Variants in FSIP1 observed in about 807,000 individuals in gnomAD.
FSIP1 encodes fibrous sheath-interacting protein 1.
A neutral mutation model predicts 60.9 loss-of-function variants in FSIP1; 65 were observed. The observed-to-expected ratio is 1.07, with a 90% CI of 0.87 to 1.31. The LOEUF is 1.31. Ranked by LOEUF, FSIP1 falls within the 40% of genes most tolerant of loss-of-function variation. The probability of loss-of-function intolerance (pLI) is 0.00; values close to 1 mark genes in which losing one functional copy is unlikely to be tolerated. For missense variants in FSIP1, 675 were observed against 665.5 expected, an observed-to-expected ratio of 1.01 and a Z score of -0.16; for synonymous variants, 209 against 221.2, an observed-to-expected ratio of 0.94 and a Z score of 0.49.
chr15:39,652,666 C>A (rs1208427208), intron 10 of FSIP1, among the ~76,000 whole-genome samples: 4 of 152,146 alleles, frequency 2.6e-5, no homozygotes, highest in Non-Finnish European at 5.9e-5. Context: ...TGACATTTCT[C>A]AAACACTTTT....
chr15:39,779,529 T>A (rs4924391), intron 1 of FSIP1, among the ~76,000 whole-genome samples: 89,003 of 152,080 alleles, frequency 0.59, 26,558 homozygotes, highest in African/African-American at 0.69. Context: ...CCCTGAGCTA[T>A]ACGCTATTGG....
At chr15:39,774,702 A>C (rs1286794460) in intron 2 of FSIP1, among the ~76,000 whole-genome samples, 1 of 152,232 alleles carries the variant, frequency 6.6e-6, no homozygotes, top group African/African-American at 2.4e-5. Context: ...TAATCCAATT[A>C]GATGAACCTG....
chr15:39,772,264 C>T (rs1443921669), intron 2 of FSIP1, among the ~76,000 whole-genome samples: 1 of 152,174 alleles, frequency 6.6e-6, no homozygotes. Context: ...CTCTCTTCCT[C>T]ATTCTTAACA....
intron 10 of FSIP1, among the ~76,000 whole-genome samples, chr15:39,619,245 A>G (rs1891354726): frequency 6.6e-6 from 1 of 152,202 alleles, no homozygotes; most frequent in Admixed American, 6.5e-5. Flanking sequence ...TATTAGGTAA[A>G]GCTTCTAATG....
intron 5 of FSIP1, among the ~76,000 whole-genome samples, chr15:39,754,161 G>A (rs903048055): frequency 2.0e-5 from 3 of 151,998 alleles, no homozygotes; most frequent in Admixed American, 6.6e-5. Context: ...AGGGGTTTGC[G>A]TAGTAAGAAA....
chr15:39,647,996 T>C (rs551980096), intron 10 of FSIP1, among the ~76,000 whole-genome samples: 17 of 148,302 alleles, frequency 1.1e-4, no homozygotes, highest in Non-Finnish European at 1.9e-4. Flanking sequence ...TGAAGGGGAA[T>C]ATCACACTCT....
At chr15:39,756,285 A>T (rs1477167830) in intron 5 of FSIP1, among the ~76,000 whole-genome samples, 1 of 152,152 alleles carries the variant, frequency 6.6e-6, no homozygotes, top group Non-Finnish European at 1.5e-5. Context: ...TTATAAGCCA[A>T]CTGGGATGGG....
chr15:39,653,567 C>T (rs1474535074), intron 10 of FSIP1, among the ~76,000 whole-genome samples: 1 of 152,166 alleles, frequency 6.6e-6, no homozygotes, highest in African/African-American at 2.4e-5. Context: ...CTCTATGTTC[C>T]TGCCCAAATT....
intron 10 of FSIP1, among the ~76,000 whole-genome samples, chr15:39,645,185 G>A (rs965685068): frequency 6.6e-6 from 1 of 152,224 alleles, no homozygotes; most frequent in Admixed American, 6.5e-5. Context: ...CATTCTTAGT[G>A]GAAATGTAGA....
At chr15:39,621,496 C>G (rs1466465916) in intron 10 of FSIP1, among the ~76,000 whole-genome samples, 1 of 152,228 alleles carries the variant, frequency 6.6e-6, no homozygotes, top group Non-Finnish European at 1.5e-5. Context: ...AGCATGTCAC[C>G]TGAGTTCTCA....
intron 10 of FSIP1, among the ~76,000 whole-genome samples, chr15:39,643,691 TA>T (rs910905907): frequency 6.6e-6 from 1 of 152,180 alleles, no homozygotes; most frequent in African/African-American, 2.4e-5. Context: ...TTTCTTTTTG[TA>T]AAAAAACAGT....
At chr15:39,615,479 A>G (rs1418894084) in intron 11 of FSIP1, among the ~76,000 whole-genome samples, 1 of 152,052 alleles carries the variant, frequency 6.6e-6, no homozygotes, top group Admixed American at 6.5e-5. Context: ...AAAAGAAGAC[A>G]TAAAAATGGC....
At chr15:39,622,824 C>T (rs1891491198) in intron 10 of FSIP1, among the ~76,000 whole-genome samples, 1 of 152,166 alleles carries the variant, frequency 6.6e-6, no homozygotes, top group South Asian at 2.1e-4. Flanking sequence ...CCTCTACCAC[C>T]CTCCAAGTGT....
intron 5 of FSIP1, among the ~76,000 whole-genome samples, chr15:39,744,930 T>C (rs1896944051): frequency 6.6e-6 from 1 of 151,988 alleles, no homozygotes. Flanking sequence ...AGAGAGGATG[T>C]GGCAGGGACC....
chr15:39,631,165 G>A (rs1891868300), intron 10 of FSIP1, among the ~76,000 whole-genome samples: 1 of 152,106 alleles, frequency 6.6e-6, no homozygotes, highest in Admixed American at 6.5e-5. Context: ...CTTTCTTTGG[G>A]TGCTCCTCCA....
At chr15:39,649,486 T>C (rs1355248266) in intron 10 of FSIP1, among the ~76,000 whole-genome samples, 2 of 152,252 alleles carry the variant, frequency 1.3e-5, no homozygotes, top group Non-Finnish European at 2.9e-5. Flanking sequence ...AGATGGAATT[T>C]ACTCTAGCTT....
chr15:39,681,713 G>A (rs1200708450), intron 10 of FSIP1, among the ~76,000 whole-genome samples: 3 of 152,178 alleles, frequency 2.0e-5, no homozygotes. Flanking sequence ...AAAGAAATAA[G>A]ATGAAAATGA....
At chr15:39,730,481 T>C (rs1351947251) in intron 8 of FSIP1, among the ~76,000 whole-genome samples, 2 of 152,212 alleles carry the variant, frequency 1.3e-5, no homozygotes, top group Non-Finnish European at 2.9e-5. Flanking sequence ...AAGAAACTTA[T>C]TTCATACATT....
At chr15:39,597,580 T>C (rs1890500518), downstream of FSIP1, 1 of 152,204 alleles carries the variant, frequency 6.6e-6, no homozygotes, top group African/African-American at 2.4e-5. Flanking sequence ...CAGTAAGTCA[T>C]AGCAACATTC....
Sources: gnomAD v4.1 joint callset for allele counts (sites outside exome capture counted in the v4.1 genomes callset) on GRCh38, gnomAD v4.1.1 for gene constraint, MANE v1.5 for transcripts, NCBI Gene and HGNC (gene_info 2026-07-23, HGNC 2026-07-21) for gene names.